Variants in KCNC2 observed in about 807,000 individuals in gnomAD.
The protein encoded by KCNC2 is potassium voltage-gated channel subfamily C member 2.
Under a neutral mutation model 44.5 loss-of-function variants are expected in KCNC2, and 21 were observed. The ratio of observed to expected loss-of-function variants is 0.47; its 90% confidence interval spans 0.33 to 0.68. The LOEUF (loss-of-function observed/expected upper bound fraction) is 0.68, where lower values mean the gene tolerates loss of function less well. Ranked by LOEUF, KCNC2 falls within the 30% of genes least tolerant of loss-of-function variation. The probability of loss-of-function intolerance (pLI) is 0.01; values close to 1 mark genes in which losing one functional copy is unlikely to be tolerated. For missense variants in KCNC2, 589 were observed against 826.2 expected (o/e 0.71, Z 3.52); for synonymous variants, 391 against 339.1 (o/e 1.15, Z -1.68).
intron 2 of KCNC2, among the ~76,000 whole-genome samples, chr12:75,153,927 C>T (rs1592982780): frequency 1.3e-5 from 2 of 151,612 alleles, no homozygotes; most frequent in South Asian, 2.1e-4. Context: ...ATGGCAGAGG[C>T]AGAAAAGGTG....
chr12:75,089,394 A>G (rs1409896769), intron 2 of KCNC2, among the ~76,000 whole-genome samples: 1 of 151,930 alleles, frequency 6.6e-6, no homozygotes. Context: ...CCTGTGTAAT[A>G]TAACTATAAA....
intron 2 of KCNC2, among the ~76,000 whole-genome samples, chr12:75,203,916 C>T (rs2031488593): frequency 6.6e-6 from 1 of 151,842 alleles, no homozygotes; most frequent in Admixed American, 6.6e-5. Context: ...TGGTACCTGT[C>T]CTCTTATATA....
intron 2 of KCNC2, among the ~76,000 whole-genome samples, chr12:75,069,492 C>T (rs911413415): frequency 1.3e-5 from 2 of 152,052 alleles, no homozygotes; most frequent in Non-Finnish European, 2.9e-5. Flanking sequence ...TAGCATGCTG[C>T]TTCCATTGAT....
At position 75,041,940 on chromosome 12, in the gene KCNC2, G is replaced by T; in HGVS notation, c.*1165C>A. ...TTTCTGTGCTTCATGGAGACAGATG[G>T]CATATACAGGAAAGACAGGGAGCTA... On this transcript the variant is annotated 3_prime_UTR_variant, in exon 5 of 5. Transcript: ENST00000549446. The T allele has an allele frequency of 3.0e-6, 3 of 1,003,614 alleles. No individual in the cohort carries two copies. Among genetic ancestry groups the T allele is most frequent in the Non-Finnish European group, 3.6e-6 (3 of 842,338 alleles). The allele number at this position is 1,003,614 out of a possible 1,614,324, so 62.2% of individuals were successfully genotyped here.
At chr12:75,088,079 C>CTA (rs1885174211) in intron 2 of KCNC2, among the ~76,000 whole-genome samples, 1 of 151,886 alleles carries the variant, frequency 6.6e-6, no homozygotes, top group South Asian at 2.1e-4. Flanking sequence ...AACTCATTAG[C>CTA]TATATAACAT....
intron 2 of KCNC2, among the ~76,000 whole-genome samples, chr12:75,130,219 C>T (rs1051425599): frequency 1.3e-5 from 2 of 152,142 alleles, no homozygotes; most frequent in East Asian, 3.9e-4. Context: ...GATGCACACA[C>T]ACGTACATAT....
At position 75,140,986 on chromosome 12, in the gene KCNC2, A is replaced by G. The variant is rs534376351; in HGVS notation, c.687+66311T>C. On this transcript the variant is annotated intron_variant, in intron 2 of 4. Transcript: ENST00000549446. Reference sequence around the variant, plus strand: ...AACAATGATTCTCACTGTGGGAAATACCTTTCTTGTTTCTAACTTCTGCTA... The same window carrying G: ...AACAATGATTCTCACTGTGGGAAATGCCTTTCTTGTTTCTAACTTCTGCTA... 3.3e-5 allele frequency among the ~76,000 whole-genome samples: 5 copies of G among 152,260 alleles called. No homozygotes were observed. In the East Asian group the frequency reaches 9.6e-4, roughly 29 times the overall value.
At chr12:75,116,662 G>C (rs187171021) in intron 2 of KCNC2, among the ~76,000 whole-genome samples, 41 of 152,206 alleles carry the variant, frequency 2.7e-4, no homozygotes, top group African/African-American at 9.4e-4. Context: ...AATAACAAAA[G>C]GACATTTAAA....
intron 2 of KCNC2, among the ~76,000 whole-genome samples, chr12:75,089,164 GA>G (rs886730017): frequency 9.9e-5 from 15 of 151,714 alleles, no homozygotes; most frequent in Non-Finnish European, 2.1e-4. Context: ...AATTACTAAA[GA>G]AAAAATGGAA....
intron 2 of KCNC2, among the ~76,000 whole-genome samples, chr12:75,129,098 T>A (rs1397002209): frequency 6.6e-6 from 1 of 152,220 alleles, no homozygotes; most frequent in Non-Finnish European, 1.5e-5. Context: ...AGTTGCTCTA[T>A]CACTTGGTTA....
chr12:75,156,432 A>G (rs572668604), intron 2 of KCNC2, among the ~76,000 whole-genome samples: 1 of 151,804 alleles, frequency 6.6e-6, no homozygotes, highest in Non-Finnish European at 1.5e-5. Context: ...CATAATGCCC[A>G]TGGCTACTTT....
chr12:75,177,993 C>T (rs891839739), intron 2 of KCNC2, among the ~76,000 whole-genome samples: 79 of 151,942 alleles, frequency 5.2e-4, no homozygotes, highest in African/African-American at 1.9e-3. Context: ...CATCAAATAC[C>T]TTGTCCAATA....
chr12:75,163,129 C>A (rs1007186288), intron 2 of KCNC2, among the ~76,000 whole-genome samples: 13 of 151,820 alleles, frequency 8.6e-5, no homozygotes, highest in African/African-American at 3.1e-4. Context: ...CGCTTCCCAG[C>A]AAAGCCTTGT....
chr12:75,066,161 C>G (rs1200247268), intron 2 of KCNC2, among the ~76,000 whole-genome samples: 2 of 152,026 alleles, frequency 1.3e-5, no homozygotes, highest in East Asian at 3.9e-4. Flanking sequence ...ATTTATTTAG[C>G]ACTATTTTTT....
At position 75,048,257 on chromosome 12, in the gene KCNC2, G is replaced by T; in HGVS notation, c.1676C>A (p.Pro559His). ...EPPLSPPERL[P>H]IRRSSTRDKN... ...GTCTCTGGTACTAGAGCGTCTGATG[G>T]GGAGCCTTTCTGGGGGTGATAGTGG... The change falls in exon 4 of 5, where the codon CCC becomes CAC. Residue 559 changes from proline (P) to histidine (H), a missense_variant. Pro to His is a moderately conservative substitution (Grantham distance 77). Transcript: ENST00000549446. 6.2e-7 allele frequency: 1 copy of T among 1,612,894 alleles called. No individual in the cohort carries two copies. Among genetic ancestry groups the T allele is most frequent in the Non-Finnish European group, 8.5e-7 (1 of 1,179,294 alleles).
chr12:75,088,556 T>C (rs1885213618), intron 2 of KCNC2, among the ~76,000 whole-genome samples: 1 of 151,940 alleles, frequency 6.6e-6, no homozygotes, highest in Non-Finnish European at 1.5e-5. Flanking sequence ...CAACCATAGA[T>C]CTTAGTTTGT....
chr12:75,183,184 C>G (rs1487953512), intron 2 of KCNC2, among the ~76,000 whole-genome samples: 1 of 152,188 alleles, frequency 6.6e-6, no homozygotes, highest in African/African-American at 2.4e-5. Flanking sequence ...AAAGGAGTCA[C>G]TCCACTACTA....
chr12:75,067,888 C>A (rs923064043), intron 2 of KCNC2, among the ~76,000 whole-genome samples: 2 of 151,640 alleles, frequency 1.3e-5, no homozygotes, highest in Non-Finnish European at 2.9e-5. Context: ...AAAAAAAAAA[C>A]ATACTTTTTT....
intron 2 of KCNC2, among the ~76,000 whole-genome samples, chr12:75,120,504 A>T (rs1008325922): frequency 6.6e-6 from 1 of 152,218 alleles, no homozygotes; most frequent in African/African-American, 2.4e-5. Flanking sequence ...GAAAAAATCC[A>T]TATGCTATCT....
Sources: allele counts gnomAD v4.1 joint callset (sites outside exome capture counted in the v4.1 genomes callset), GRCh38; gene constraint gnomAD v4.1.1; transcripts MANE v1.5; gene names NCBI Gene and HGNC (gene_info 2026-07-23, HGNC 2026-07-21).